Variants in RNF216 observed in about 807,000 individuals in gnomAD.
RNF216 encodes the protein E3 ubiquitin-protein ligase RNF216.
In RNF216, 72 loss-of-function variants were observed where a neutral mutation model predicts 110.8. That is an observed-to-expected ratio of 0.65 (90% CI 0.54 to 0.79). The LOEUF is 0.79. Among genes scored for constraint, RNF216 ranks in the 30% least tolerant of loss-of-function variants. The probability of loss-of-function intolerance (pLI) is 0.00; values close to 1 mark genes in which losing one functional copy is unlikely to be tolerated. For synonymous variants in RNF216, 495 were observed against 407.5 expected, an observed-to-expected ratio of 1.21 and a Z score of -2.59; for missense variants, 1,342 against 1,141.2, an observed-to-expected ratio of 1.18 and a Z score of -2.54.
In RNF216 at chr7:5,680,065, T is replaced by A. The variant is rs1790550643; in HGVS notation, c.2062-27555A>T. Among the ~76,000 whole-genome samples, 1 of 152,202 alleles carries A rather than the reference T, an allele frequency of 6.6e-6. No homozygotes were observed. ...CTGATCATTTCACTACCCTGTTTAA[T>A]GACCATGGATAGACTTCCTGCTGCA... On this transcript the variant is annotated intron_variant, in intron 13 of 16. Transcript: ENST00000389902. This position sits in a 1 kb window ranked among gnomAD's most constrained non-coding sequence, Gnocchi z 4.3.
chr7:5,779,490 C>T lies in RNF216; in HGVS notation c.-70+2051G>A, dbSNP rs546172149. Among the ~76,000 whole-genome samples the T allele has an allele frequency of 5.3e-5, 8 of 152,034 alleles. No homozygotes were observed. The South Asian group carries it at 1.2e-3, about 24-fold the overall frequency. ...ATTAGCCTTCTTCCTTAAAGCAAGC[C>T]GACTAAATTGAGATGTTTCATAGAA... On this transcript the variant is annotated intron_variant, in intron 1 of 16. Coordinates refer to ENST00000389902, the MANE Select transcript of RNF216 (RefSeq NM_207111.4).
chr7:5,647,928 T>C (rs555933810), intron 14 of RNF216, among the ~76,000 whole-genome samples: 11 of 152,326 alleles, frequency 7.2e-5, no homozygotes, highest in Non-Finnish European at 2.9e-5. Context: ...CTACTTGCCC[T>C]GTAGCCACCA....
chr7:5,708,574 C>T (rs561662742), intron 13 of RNF216, among the ~76,000 whole-genome samples: 1 of 152,338 alleles, frequency 6.6e-6, no homozygotes, highest in South Asian at 2.1e-4. Flanking sequence ...ATGAGATACT[C>T]ATACTTTATT....
intron 12 of RNF216, 69 bp downstream of exon 12, chr7:5,712,646 T>C (rs1584494882): frequency 6.8e-7 from 1 of 1,473,926 alleles, no homozygotes. Context: ...CATCATCTGA[T>C]GCAAGTGCCC....
intron 8 of RNF216, among the ~76,000 whole-genome samples, chr7:5,723,079 G>T (rs1165277812): frequency 1.3e-5 from 2 of 152,144 alleles, no homozygotes; most frequent in Non-Finnish European, 2.9e-5. Flanking sequence ...CATCTGCCAA[G>T]TTACTTAACC....
At chr7:5,660,744 AT>A (rs1789065397) in intron 13 of RNF216, among the ~76,000 whole-genome samples, 1 of 151,008 alleles carries the variant, frequency 6.6e-6, no homozygotes, top group African/African-American at 2.4e-5. Flanking sequence ...TGCCTGGCTA[AT>A]TTTTTGTAGA....
chr7:5,703,478 T>C (rs897839502), intron 13 of RNF216, among the ~76,000 whole-genome samples: 13 of 152,260 alleles, frequency 8.5e-5, no homozygotes, highest in African/African-American at 3.1e-4. Flanking sequence ...TGTAGGAGGC[T>C]GCAGATGCCT....
chr7:5,673,704 T>C (rs1790074933), intron 13 of RNF216, among the ~76,000 whole-genome samples: 1 of 152,098 alleles, frequency 6.6e-6, no homozygotes, highest in Non-Finnish European at 1.5e-5. Flanking sequence ...AGCATGACCT[T>C]GTCTCTACAA....
chr7:5,720,968 A>T, intron 9 of RNF216, 65 bp downstream of exon 9: 1 of 1,536,136 alleles, frequency 6.5e-7, no homozygotes, highest in Non-Finnish European at 8.9e-7. Context: ...TTTTGTACTA[A>T]CTAAACCCTA....
chr7:5,779,656 TAAAA>T (rs34915284), intron 1 of RNF216, among the ~76,000 whole-genome samples: 9 of 112,496 alleles, frequency 8.0e-5, no homozygotes, highest in Non-Finnish European at 3.6e-5. Flanking sequence ...CTCCGTCTCT[TAAAA>T]AAAAAAAAAA....
intron 13 of RNF216, among the ~76,000 whole-genome samples, chr7:5,675,473 G>A (rs1790222565): frequency 6.7e-6 from 1 of 149,552 alleles, no homozygotes; most frequent in South Asian, 2.1e-4. Flanking sequence ...CACCCTCTAC[G>A]AAAAATAAAT....
At chr7:5,635,262 AATG>A (rs1192480640) in intron 15 of RNF216, among the ~76,000 whole-genome samples, 2 of 151,758 alleles carry the variant, frequency 1.3e-5, no homozygotes, top group Non-Finnish European at 2.9e-5. Context: ...ATGACAGATC[AATG>A]ATCACACCCA....
rs151000119 is a variant in RNF216 at position 5,754,536 on chromosome 7, G to C, written c.68-1557C>G. Among the ~76,000 whole-genome samples the C allele has an allele frequency of 8.5e-5, 13 of 152,112 alleles. 1 individual carries two copies. Among genetic ancestry groups the C allele is most frequent in the African/African-American group, 2.4e-4 (10 of 41,480 alleles). On this transcript the variant is annotated intron_variant, in intron 2 of 16. Transcript: ENST00000389902. ...GCCATTTCAGAAGACACACGCTATG[G>C]GGGATCATTCTGAAGAGATACTGAG...
At chr7:5,632,758 CAA>C (rs972626375) in intron 15 of RNF216, among the ~76,000 whole-genome samples, 1 of 152,066 alleles carries the variant, frequency 6.6e-6, no homozygotes, top group African/African-American at 2.4e-5. Context: ...GCCTGGGCGA[CAA>C]GAGCAAAACT....
Position 5,624,118 on chromosome 7 carries a change from T to A in RNF216, c.2390A>T (p.Asp797Val). 6.2e-7 allele frequency: 1 copy of A among 1,613,522 alleles called. No individual in the cohort carries two copies. The change falls in exon 16 of 17, where the codon GAT (aspartate) becomes GTT (valine). Residue 797 changes from aspartate (D) to valine (V), a missense_variant. Transcript: ENST00000389902. This position sits in a 1 kb window ranked among gnomAD's most constrained non-coding sequence, Gnocchi z 4.4. ...CSLWTDPTED[D>V]EKLIEEIQKE... Reference sequence around the variant, plus strand: ...CTGGATTTCCTCAATAAGCTTCTCATCATCTTCCTAAAACGCAAGCAATGA... The same window carrying A: ...CTGGATTTCCTCAATAAGCTTCTCAACATCTTCCTAAAACGCAAGCAATGA...
At chr7:5,672,416 A>G (rs182288457) in intron 13 of RNF216, among the ~76,000 whole-genome samples, 1 of 152,348 alleles carries the variant, frequency 6.6e-6, no homozygotes, top group East Asian at 1.9e-4. Flanking sequence ...GTTAAATTTA[A>G]TAACAAGAAG....
Position 5,694,212 on chromosome 7 carries a change from C to G in RNF216, c.2061+17549G>C, listed in dbSNP as rs182730494. Among the ~76,000 whole-genome samples the G allele has an allele frequency of 2.0e-4, 31 of 152,290 alleles. No individual in the cohort carries two copies. In the East Asian group the frequency reaches 5.8e-3, roughly 28 times the overall value. On this transcript the variant is annotated intron_variant, in intron 13 of 16. Coordinates refer to ENST00000389902, the MANE Select transcript of RNF216 (RefSeq NM_207111.4). Reference sequence around the variant, plus strand: ...ACTTTCCATTTTAGGACGGCCTACTCAATTTCTTTATTTGCTGGAACAGTT... The same window carrying G: ...ACTTTCCATTTTAGGACGGCCTACTGAATTTCTTTATTTGCTGGAACAGTT...
At chr7:5,630,260 G>T (rs1353818448) in intron 15 of RNF216, among the ~76,000 whole-genome samples, 6 of 152,134 alleles carry the variant, frequency 3.9e-5, no homozygotes, top group South Asian at 2.1e-4. Context: ...GGCGTCACGG[G>T]AAGAACTACA....
intron 5 of RNF216, among the ~76,000 whole-genome samples, chr7:5,731,372 C>A (rs1374121221): frequency 1.3e-5 from 2 of 151,914 alleles, no homozygotes; most frequent in African/African-American, 4.9e-5. Flanking sequence ...ATTTAGCTAG[C>A]TGCCAAGCTA....
Sources: allele counts gnomAD v4.1 joint callset (sites outside exome capture counted in the v4.1 genomes callset), GRCh38; gene constraint gnomAD v4.1.1; non-coding constraint Gnocchi (gnomAD v3.1); transcripts MANE v1.5; gene names NCBI Gene and HGNC (gene_info 2026-07-23, HGNC 2026-07-21).